The following CPAMD8 variants were observed in gnomAD, a reference collection of about 807,000 sequenced individuals.
CPAMD8 encodes the protein C3 and PZP-like alpha-2-macroglobulin domain-containing protein 8.
A neutral mutation model predicts 224.7 loss-of-function variants in CPAMD8; 146 were observed. The observed-to-expected ratio is 0.65, with a 90% CI of 0.57 to 0.75. The LOEUF is 0.75. Ranked by LOEUF, CPAMD8 falls within the 30% of genes least tolerant of loss-of-function variation. CPAMD8 has a pLI of 0.00. For missense variants in CPAMD8, 2,301 were observed against 2,537.5 expected, an observed-to-expected ratio of 0.91 and a Z score of 2.00; for synonymous variants, 966 against 1,044.6, an observed-to-expected ratio of 0.92 and a Z score of 1.45.
intron 30 of CPAMD8, among the ~76,000 whole-genome samples, chr19:16,906,367 TTTCTTTCTTTC>T (rs2052492456): frequency 1.3e-5 from 1 of 78,516 alleles, no homozygotes; most frequent in African/African-American, 5.1e-5. Flanking sequence ...TCTTTCTTTC[TTTCTTTCTTTC>T]TTTCTTTCTT....
intron 27 of CPAMD8, among the ~76,000 whole-genome samples, chr19:16,917,185 A>G (rs1268833648): frequency 2.0e-5 from 3 of 152,196 alleles, no homozygotes; most frequent in Non-Finnish European, 4.4e-5. Context: ...TGAGGCCAGG[A>G]GTTTGAAACC....
intron 11 of CPAMD8, among the ~76,000 whole-genome samples, chr19:16,996,415 G>A (rs1285535296): frequency 1.3e-5 from 2 of 152,130 alleles, no homozygotes; most frequent in South Asian, 2.1e-4. Flanking sequence ...AGTGGTGGGT[G>A]GGAGGCAGAG....
chr19:16,909,207 C>G (rs2052632758), intron 29 of CPAMD8, among the ~76,000 whole-genome samples: 1 of 152,108 alleles, frequency 6.6e-6, no homozygotes, highest in Admixed American at 6.5e-5. Context: ...GATGAGATCA[C>G]CTTGGATTAA....
At position 16,952,185 on chromosome 19, in the gene CPAMD8, C is replaced by A; in HGVS notation, c.2292G>T (p.Glu764Asp). The change falls in exon 20 of 42, where the codon GAG (glutamate) becomes GAT (aspartate). Residue 764 changes from glutamate to aspartate, a missense_variant. Transcript: ENST00000443236. ...CCGGGACCTTCACACTGAGTGTCCC[C>A]TCACCAGATGGGTCACTGCGGAGAG... ...HCLNISDPSG[E>D]GTLSVKVPDS... 6.5e-7 allele frequency: 1 copy of A among 1,535,992 alleles called. No homozygotes were observed. The highest frequency in any genetic ancestry group is 1.2e-5 in the South Asian group (1 of 83,730).
At position 17,022,072 on chromosome 19, in the gene CPAMD8, C is replaced by T. The variant is rs1300984727; in HGVS notation, c.202G>A (p.Ala68Thr). 1.2e-6 allele frequency: 2 copies of T among 1,606,176 alleles called. No homozygotes were observed. Among genetic ancestry groups the T allele is most frequent in the East Asian group, 4.5e-5 (2 of 44,716 alleles). ...CTCTGCACCACCGGCTCACCCTGGG[C>T]CACCAGCTGAGCCTGGACCGTGACT... is the stretch of plus-strand genomic sequence containing the variant. ...REVTVQAQLVAQGEPVVQSQG... is the reference protein window; with the variant it reads ...REVTVQAQLVTQGEPVVQSQG... The change falls in exon 2 of 42, where the codon GCC becomes ACC. Residue 68 changes from alanine (A) to threonine (T), a missense_variant. Physicochemically the swap from Ala to Thr is moderately conservative, Grantham distance 58 (BLOSUM62 0). Around this residue, in one of 4 missense-constraint regions of CPAMD8, gnomAD observed 283 missense variants for 340.6 expected, o/e 0.83. Coordinates refer to ENST00000443236, the MANE Select transcript of CPAMD8 (RefSeq NM_015692.5).
At chr19:17,009,494 C>G (rs561414926) in intron 5 of CPAMD8, 174 bp from the exon 6 acceptor site, 1 of 1,135,662 alleles carries the variant, frequency 8.8e-7, no homozygotes, top group Non-Finnish European at 1.2e-6. Flanking sequence ...TTTAGAAAGA[C>G]TCATTACAGG....
Position 16,980,432 on chromosome 19 carries a change from C to T in CPAMD8, c.1585+65G>A. ...CTTGCCTTGTCCCTCCTTGCAGGAG[C>T]ACCCATCTCAGTCTCAATTGTTCAG... is the stretch of plus-strand genomic sequence containing the variant. On this transcript the variant is annotated intron_variant, in intron 14 of 41. Transcript: ENST00000443236. 2.7e-6 allele frequency: 4 copies of T among 1,498,288 alleles called. No individual in the cohort carries two copies. The South Asian group carries it at 3.6e-5, about 14-fold the overall frequency. The allele number at this position is 1,498,288 out of a possible 1,614,324, so 92.8% of individuals were successfully genotyped here.
intron 1 of CPAMD8, among the ~76,000 whole-genome samples, chr19:17,025,615 A>G (rs188965616): frequency 1.1e-3 from 163 of 152,218 alleles, no homozygotes; most frequent in Non-Finnish European, 1.5e-3. Context: ...GCCTCTCCCT[A>G]TTTGTGACAA....
chr19:16,996,587 G>T (rs112427364), intron 11 of CPAMD8, among the ~76,000 whole-genome samples: 2 of 152,092 alleles, frequency 1.3e-5, no homozygotes, highest in Non-Finnish European at 2.9e-5. Flanking sequence ...GGGAGGCCAA[G>T]GCGGGAAGTT....
intron 27 of CPAMD8, among the ~76,000 whole-genome samples, chr19:16,915,538 G>A (rs550439395): frequency 5.3e-5 from 8 of 152,280 alleles, no homozygotes; most frequent in African/African-American, 1.9e-4. Flanking sequence ...AAACATCTCT[G>A]TTATGTGGCC....
At chr19:16,948,185 C>A (rs995402549) in intron 20 of CPAMD8, among the ~76,000 whole-genome samples, 4 of 152,196 alleles carry the variant, frequency 2.6e-5, no homozygotes, top group Non-Finnish European at 5.9e-5. Flanking sequence ...TATGGAGCAC[C>A]TACTGGGTGC....
rs1159501474 is a variant in CPAMD8 at position 16,898,047 on chromosome 19, C to T, written c.4849-53G>A. 3 of 1,371,156 alleles carry T rather than the reference C, an allele frequency of 2.2e-6. No individual in the cohort carries two copies. The highest frequency in any genetic ancestry group is 2.0e-6 in the Non-Finnish European group (2 of 992,242). The allele number at this position is 1,371,156 out of a possible 1,614,324, so 84.9% of individuals were successfully genotyped here. A position where few individuals can be genotyped will look rare whatever the true frequency, so the allele number is the denominator to read the frequency against. On this transcript the variant is annotated intron_variant, in intron 37 of 41. Coordinates refer to ENST00000443236, the MANE Select transcript of CPAMD8 (RefSeq NM_015692.5). This position sits in a 1 kb window ranked among gnomAD's most constrained non-coding sequence, Gnocchi z 4.2. ...GACCCGGGCCAGGAGGCCCGGGGCG[C>T]TGAGCTCAGGCCCAGAACTGGCTGA...
At chr19:17,010,593 C>T (rs529591123) in intron 5 of CPAMD8, among the ~76,000 whole-genome samples, 1 of 152,204 alleles carries the variant, frequency 6.6e-6, no homozygotes, top group East Asian at 1.9e-4. Context: ...AACGTCCTTG[C>T]TCTTAAAGGA....
Position 16,898,750 on chromosome 19 carries a change from G to C in CPAMD8, c.4848+725C>G, listed in dbSNP as rs1331738479. 1.3e-5 allele frequency among the ~76,000 whole-genome samples: 2 copies of C among 151,956 alleles called. No homozygotes were observed. Among genetic ancestry groups the C allele is most frequent in the African/African-American group, 4.8e-5 (2 of 41,362 alleles). On this transcript the variant is annotated intron_variant, in intron 37 of 41. Transcript: ENST00000443236. This position sits in a 1 kb window ranked among gnomAD's most constrained non-coding sequence, Gnocchi z 4.2. ...TTTCACTCAGCATCATGTTTCTGAGGTTCATCCATGCTGTAGCATGGATCA... is the reference window on the plus strand; with the variant it reads ...TTTCACTCAGCATCATGTTTCTGAGCTTCATCCATGCTGTAGCATGGATCA...
intron 18 of CPAMD8, among the ~76,000 whole-genome samples, chr19:16,966,342 C>T (rs929393626): frequency 1.3e-5 from 2 of 152,154 alleles, no homozygotes; most frequent in Non-Finnish European, 2.9e-5. Flanking sequence ...AAAATTAATT[C>T]AAGATGGATT....
chr19:16,943,775 C>A (rs1470159284), intron 22 of CPAMD8, among the ~76,000 whole-genome samples: 1 of 152,180 alleles, frequency 6.6e-6, no homozygotes, highest in African/African-American at 2.4e-5. Context: ...AGGCCAGATA[C>A]CATGAGAGGC....
intron 18 of CPAMD8, among the ~76,000 whole-genome samples, chr19:16,962,448 G>C (rs1241307759): frequency 6.6e-6 from 1 of 152,194 alleles, no homozygotes; most frequent in African/African-American, 2.4e-5. Flanking sequence ...ATCAGTGATT[G>C]AAGATTAAAT....
rs199883186 is a variant in CPAMD8 at position 16,902,736 on chromosome 19, C to A, written c.4598G>T (p.Arg1533Leu). Residue 1533 changes from arginine to leucine, a missense_variant, in exon 35 of 42, where the codon CGA becomes CTA. By Grantham distance (102) the Arg-to-Leu change is moderately radical (BLOSUM62 -2). This residue lies in a region of CPAMD8 where 1,709 missense variants were observed against 1,753.2 expected (regional missense o/e 0.97). Coordinates refer to ENST00000443236, the MANE Select transcript of CPAMD8 (RefSeq NM_015692.5). ...PMPASAAEGSRGDWPPADDDD... is the reference protein window; with the variant it reads ...PMPASAAEGSLGDWPPADDDD... ...ATCGTCAGCTGGGGGCCAGTCTCCTCGGGAACCCTCAGCTGCGGAGGCAGG... is the reference window on the plus strand; with the variant it reads ...ATCGTCAGCTGGGGGCCAGTCTCCTAGGGAACCCTCAGCTGCGGAGGCAGG... 3 of 1,599,622 alleles carry A rather than the reference C, an allele frequency of 1.9e-6. No individual in the cohort carries two copies. The highest frequency in any genetic ancestry group is 4.5e-5 in the East Asian group (2 of 44,432).
At chr19:16,930,413 T>C (rs1363913342) in intron 23 of CPAMD8, among the ~76,000 whole-genome samples, 6 of 151,470 alleles carry the variant, frequency 4.0e-5, no homozygotes, top group Admixed American at 3.9e-4. Context: ...CTTAGAGGCA[T>C]CTGGTACTTG....
Sources: gnomAD v4.1 joint callset for allele counts (sites outside exome capture counted in the v4.1 genomes callset) on GRCh38, gnomAD v4.1.1 for gene constraint, gnomAD v4.1.1 regional missense constraint, Gnocchi (gnomAD v3.1) non-coding constraint, MANE v1.5 for transcripts, NCBI Gene and HGNC (gene_info 2026-07-23, HGNC 2026-07-21) for gene names.